Variants in PHLPP2 observed in about 807,000 individuals in gnomAD.
PHLPP2 encodes the protein PH domain leucine-rich repeat-containing protein phosphatase 2.
Under a neutral mutation model 124.9 loss-of-function variants are expected in PHLPP2, and 66 were observed. The ratio of observed to expected loss-of-function variants is 0.53; its 90% CI spans 0.43 to 0.65. The LOEUF (loss-of-function observed/expected upper bound fraction) is 0.65. Among genes scored for constraint, PHLPP2 ranks in the 30% least tolerant of loss-of-function variants. The pLI, the probability that PHLPP2 is intolerant of heterozygous loss-of-function variation, is 0.00. For missense variants in PHLPP2, 1,685 were observed against 1,600.4 expected (o/e 1.05, Z -0.90); for synonymous variants, 681 against 624.7 (o/e 1.09, Z -1.34).
intron 2 of PHLPP2, among the ~76,000 whole-genome samples, chr16:71,711,922 G>C (rs990099836): frequency 6.6e-6 from 1 of 152,216 alleles, no homozygotes; most frequent in Non-Finnish European, 1.5e-5. Flanking sequence ...AACTGAGGAA[G>C]TGTCACTGCT....
intron 2 of PHLPP2, among the ~76,000 whole-genome samples, chr16:71,705,991 TTG>T (rs1170910754): frequency 4.6e-5 from 7 of 152,228 alleles, no homozygotes; most frequent in Non-Finnish European, 1.0e-4. Context: ...CAGTTCAATT[TTG>T]TGTTTCAAAG....
intron 9 of PHLPP2, among the ~76,000 whole-genome samples, chr16:71,673,004 C>T (rs547372293): frequency 2.0e-4 from 30 of 152,296 alleles, no homozygotes; most frequent in African/African-American, 6.7e-4. Flanking sequence ...AATATGCTTA[C>T]AGGATTTGTT....
chr16:71,693,101 C>G (rs555040952), intron 3 of PHLPP2, among the ~76,000 whole-genome samples: 43 of 152,144 alleles, frequency 2.8e-4, no homozygotes, highest in Non-Finnish European at 7.4e-5. Flanking sequence ...CCAGCCTGAC[C>G]AACATGGAAA....
chr16:71,684,054 A>C (rs548196009), intron 5 of PHLPP2, among the ~76,000 whole-genome samples: 89 of 151,492 alleles, frequency 5.9e-4, no homozygotes, highest in African/African-American at 2.0e-3. Context: ...AGCCTCCCAA[A>C]GTGCTAGGAT....
chr16:71,714,385 TG>T lies in PHLPP2; in HGVS notation c.284+126del, dbSNP rs533012104. ...AAGTCAGCCTTCCAAGGACAAATCT[TG>T]AAGCCCAGTGAGTCCGTAATCAACA... On this transcript the variant is annotated intron_variant, in intron 2 of 18. Coordinates refer to ENST00000568954, the MANE Select transcript of PHLPP2 (RefSeq NM_015020.3). 358 of 1,250,586 alleles carry T rather than the reference TG, an allele frequency of 2.9e-4. 5 individuals carry two copies. The South Asian group carries it at 5.9e-3, about 21-fold the overall frequency. The allele number at this position is 1,250,586 out of a possible 1,614,324, so 77.5% of individuals were successfully genotyped here. A position where few individuals can be genotyped will look rare whatever the true frequency, so the allele number is the denominator to read the frequency against.
intron 9 of PHLPP2, among the ~76,000 whole-genome samples, chr16:71,673,657 A>G (rs2044915146): frequency 6.6e-6 from 1 of 152,102 alleles, no homozygotes; most frequent in African/African-American, 2.4e-5. Context: ...AATACTATTA[A>G]AATATTTCAT....
intron 11 of PHLPP2, among the ~76,000 whole-genome samples, chr16:71,669,032 T>C (rs1021458829): frequency 3.3e-5 from 5 of 152,188 alleles, no homozygotes; most frequent in African/African-American, 1.2e-4. Flanking sequence ...CAGCAACTCT[T>C]AGTGTATTTA....
intron 3 of PHLPP2, among the ~76,000 whole-genome samples, chr16:71,695,624 C>T (rs752301509): frequency 1.3e-5 from 2 of 151,628 alleles, no homozygotes; most frequent in Non-Finnish European, 1.5e-5. Context: ...GCAGCAGAAT[C>T]GCTTGAACCT....
chr16:71,681,509 TC>T (rs1390957580), intron 6 of PHLPP2, among the ~76,000 whole-genome samples: 1 of 152,150 alleles, frequency 6.6e-6, no homozygotes, highest in Non-Finnish European at 1.5e-5. Context: ...TACATCGGTG[TC>T]AATGATTCAC....
intron 1 of PHLPP2, among the ~76,000 whole-genome samples, chr16:71,718,257 T>C (rs2045376166): frequency 1.3e-5 from 2 of 152,290 alleles, no homozygotes; most frequent in East Asian, 1.9e-4. Flanking sequence ...CCTTAGATTA[T>C]AAATTCCTTA....
intron 3 of PHLPP2, among the ~76,000 whole-genome samples, chr16:71,691,052 G>C (rs541872518): frequency 9.2e-5 from 14 of 152,276 alleles, no homozygotes; most frequent in African/African-American, 3.4e-4. Flanking sequence ...TTGAATGCTG[G>C]TTCTGTCACT....
chr16:71,648,639 G>T lies in PHLPP2; in HGVS notation c.*251C>A, dbSNP rs930922656. ...AAATAAAACTTAGCCGGGCATAATG[G>T]CAGGTGCCTGTAATCCCAGCTACTC... On this transcript the variant is annotated 3_prime_UTR_variant, in exon 19 of 19. Coordinates refer to ENST00000568954, the MANE Select transcript of PHLPP2 (RefSeq NM_015020.3). 1.2e-5 allele frequency: 6 copies of T among 480,388 alleles called. No individual in the cohort carries two copies. In the South Asian group the frequency reaches 2.7e-4, roughly 22 times the overall value. 29.8% of individuals were successfully genotyped at this position (480,388 alleles called of 1,614,324 possible).
chr16:71,697,819 T>C (rs1488976169), intron 3 of PHLPP2, among the ~76,000 whole-genome samples: 4 of 150,978 alleles, frequency 2.6e-5, no homozygotes, highest in African/African-American at 7.3e-5. Context: ...CTCTCTCTCT[T>C]TTTTTTTTTA....
chr16:71,653,961 C>T (rs544894731), intron 17 of PHLPP2, among the ~76,000 whole-genome samples: 206 of 151,696 alleles, frequency 1.4e-3, no homozygotes, highest in South Asian at 5.4e-3. Flanking sequence ...TTTGGGAGGC[C>T]GAGGTGGGCA....
At chr16:71,696,647 CAA>C (rs555406586) in intron 3 of PHLPP2, among the ~76,000 whole-genome samples, 28 of 115,900 alleles carry the variant, frequency 2.4e-4, no homozygotes, top group Admixed American at 5.5e-4. Context: ...GACTCCATCT[CAA>C]AAAAAAAAAA....
chr16:71,684,175 G>A (rs868390338), intron 5 of PHLPP2, among the ~76,000 whole-genome samples: 2 of 149,130 alleles, frequency 1.3e-5, no homozygotes, highest in East Asian at 2.0e-4. Flanking sequence ...CATCAGGCTG[G>A]AGTGCAGTGG....
At chr16:71,658,525 A>G (rs1596990177) in intron 14 of PHLPP2, 128 bp downstream of exon 14, 3 of 1,222,458 alleles carry the variant, frequency 2.5e-6, no homozygotes, top group South Asian at 3.0e-5. Flanking sequence ...TAAGAAGACA[A>G]TAATATTTTT....
intron 12 of PHLPP2, among the ~76,000 whole-genome samples, chr16:71,664,527 C>T (rs960853115): frequency 6.6e-6 from 1 of 151,470 alleles, no homozygotes; most frequent in Non-Finnish European, 1.5e-5. Flanking sequence ...GGTGGGCAGA[C>T]TACAAGGTCA....
In PHLPP2 at chr16:71,645,018, G is replaced by A. The variant is rs2044643984; in HGVS notation, c.*3872C>T. On this transcript the variant is annotated 3_prime_UTR_variant, in exon 19 of 19. Transcript: ENST00000568954. ...CAATAGATTTGCTGCAACATGCTCT[G>A]GCTCATATTATTGAATTAAAAAATT... is the stretch of plus-strand genomic sequence containing the variant. The A allele has an allele frequency of 7.1e-6, 2 of 282,082 alleles. No individual in the cohort carries two copies. The highest frequency in any genetic ancestry group is 1.4e-5 in the Non-Finnish European group (2 of 143,358). The allele number at this position is 282,082 out of a possible 1,614,324, so 17.5% of individuals were successfully genotyped here.
Sources: allele counts gnomAD v4.1 joint callset (sites outside exome capture counted in the v4.1 genomes callset), GRCh38; gene constraint gnomAD v4.1.1; transcripts MANE v1.5; gene names NCBI Gene and HGNC (gene_info 2026-07-23, HGNC 2026-07-21).